Variants in GMDS observed in about 807,000 individuals in gnomAD.
GMDS encodes GDP-mannose 4,6 dehydratase.
Under a neutral mutation model 49.9 loss-of-function variants are expected in GMDS, and 20 were observed. The observed-to-expected ratio is 0.40, with a 90% CI of 0.28 to 0.58. The LOEUF is 0.58. GMDS is among the 20% of genes least tolerant of loss of function. GMDS has a pLI of 0.42. For missense variants in GMDS, 362 were observed against 481.4 expected (o/e 0.75, Z 2.32); for synonymous variants, 177 against 178.6 (o/e 0.99, Z 0.07).
chr6:2,099,693 T>C (rs924721604), intron 4 of GMDS, among the ~76,000 whole-genome samples: 6 of 152,030 alleles, frequency 3.9e-5, no homozygotes, highest in Non-Finnish European at 7.4e-5. Context: ...TCTGACAAAA[T>C]AGAATATAAT....
chr6:1,941,127 T>C (rs189855144), intron 6 of GMDS, among the ~76,000 whole-genome samples: 20 of 151,940 alleles, frequency 1.3e-4, no homozygotes, highest in Admixed American at 1.2e-3. Context: ...CTAACAAAAC[T>C]ATCGGGGAAC....
At chr6:1,799,081 A>G (rs914573419) in intron 7 of GMDS, among the ~76,000 whole-genome samples, 3 of 152,128 alleles carry the variant, frequency 2.0e-5, no homozygotes. Context: ...ACCGATCCCT[A>G]GGATATCGTG....
At chr6:1,969,242 A>G (rs528286705) in intron 4 of GMDS, among the ~76,000 whole-genome samples, 68 of 129,784 alleles carry the variant, frequency 5.2e-4, no homozygotes, top group Non-Finnish European at 4.8e-4. Context: ...AGCCTGGGTG[A>G]CAGAGTGAGG....
intron 4 of GMDS, among the ~76,000 whole-genome samples, chr6:2,081,905 C>T (rs1772723636): frequency 6.6e-6 from 1 of 152,048 alleles, no homozygotes; most frequent in African/African-American, 2.4e-5. Flanking sequence ...AATTACCACC[C>T]ACTTCAAAAC....
intron 4 of GMDS, among the ~76,000 whole-genome samples, chr6:1,983,383 T>A (rs1233587320): frequency 6.6e-6 from 1 of 152,072 alleles, no homozygotes; most frequent in Non-Finnish European, 1.5e-5. Flanking sequence ...AGAAATTGTA[T>A]CTAATTAAAC....
intron 4 of GMDS, among the ~76,000 whole-genome samples, chr6:2,114,564 C>T (rs1774736621): frequency 6.6e-6 from 1 of 152,186 alleles, no homozygotes; most frequent in Admixed American, 6.5e-5. Context: ...ATACCTTTCA[C>T]AGACTTTGGT....
chr6:2,174,492 G>C (rs527412679), intron 1 of GMDS, among the ~76,000 whole-genome samples: 1 of 152,064 alleles, frequency 6.6e-6, no homozygotes, highest in Non-Finnish European at 1.5e-5. Context: ...CTTAAGTATT[G>C]TTGAGACAAT....
intron 1 of GMDS, among the ~76,000 whole-genome samples, chr6:2,240,601 C>CAAAAAAAAAAAA (rs57052982): frequency 4.8e-5 from 4 of 84,022 alleles, no homozygotes; most frequent in African/African-American, 1.1e-4. Flanking sequence ...AAGACTGTCT[C>CAAAAAAAAAAAA]AAAAAAAAAA....
intron 1 of GMDS, among the ~76,000 whole-genome samples, chr6:2,198,203 AG>A (rs1375060649): frequency 3.9e-5 from 6 of 152,214 alleles, no homozygotes; most frequent in African/African-American, 1.2e-4. Context: ...CAGGAGCTAA[AG>A]GGTAATTTCC....
intron 7 of GMDS, among the ~76,000 whole-genome samples, chr6:1,764,167 T>C (rs975924022): frequency 1.3e-5 from 2 of 152,152 alleles, no homozygotes; most frequent in Admixed American, 6.5e-5. Flanking sequence ...TGAGAAGGCC[T>C]TTCTGTGATC....
At chr6:1,792,829 ATCT>A (rs1246869552) in intron 7 of GMDS, among the ~76,000 whole-genome samples, 2 of 152,002 alleles carry the variant, frequency 1.3e-5, no homozygotes, top group African/African-American at 2.4e-5. Flanking sequence ...AAGTTTTATG[ATCT>A]TCTTTTTAAC....
intron 1 of GMDS, among the ~76,000 whole-genome samples, chr6:2,245,103 C>A (rs998526668): frequency 6.6e-6 from 1 of 152,222 alleles, no homozygotes; most frequent in Non-Finnish European, 1.5e-5. Flanking sequence ...CGCTCACAGC[C>A]CCCAGAGAAA....
chr6:1,989,817 T>C (rs1765814307), intron 4 of GMDS, among the ~76,000 whole-genome samples: 1 of 152,220 alleles, frequency 6.6e-6, no homozygotes, highest in South Asian at 2.1e-4. Context: ...CTGGAGCACA[T>C]CCAATGTGAG....
intron 7 of GMDS, among the ~76,000 whole-genome samples, chr6:1,894,996 G>A (rs958152859): frequency 3.9e-5 from 6 of 152,080 alleles, no homozygotes; most frequent in African/African-American, 7.2e-5. Flanking sequence ...TTTATCAACC[G>A]GTTGGATATC....
intron 1 of GMDS, among the ~76,000 whole-genome samples, chr6:2,245,018 C>T (rs1431343199): frequency 6.6e-6 from 1 of 152,218 alleles, no homozygotes; most frequent in East Asian, 1.9e-4. Flanking sequence ...GGAAGAGACG[C>T]TGCGGTCACC....
At chr6:1,982,265 A>C (rs1162997973) in intron 4 of GMDS, among the ~76,000 whole-genome samples, 1 of 152,196 alleles carries the variant, frequency 6.6e-6, no homozygotes, top group Non-Finnish European at 1.5e-5. Flanking sequence ...TGATAAACTC[A>C]CAGCCATTAT....
chr6:1,740,616 T>C (rs572891175), intron 8 of GMDS, among the ~76,000 whole-genome samples: 1 of 148,982 alleles, frequency 6.7e-6, no homozygotes, highest in Non-Finnish European at 1.5e-5. Context: ...TTGAAAAGTA[T>C]AAAAAAACCC....
intron 7 of GMDS, among the ~76,000 whole-genome samples, chr6:1,844,159 T>G (rs1352493887): frequency 6.6e-6 from 1 of 152,220 alleles, no homozygotes. Flanking sequence ...TAGGGCTTAT[T>G]ATCCCCAAAG....
At chr6:1,980,191 C>T (rs1765139462) in intron 4 of GMDS, among the ~76,000 whole-genome samples, 1 of 152,090 alleles carries the variant, frequency 6.6e-6, no homozygotes, top group Non-Finnish European at 1.5e-5. Context: ...CCACACATAA[C>T]AATACTAACC....
Sources: allele counts gnomAD v4.1 joint callset (sites outside exome capture counted in the v4.1 genomes callset), GRCh38; gene constraint gnomAD v4.1.1; transcripts MANE v1.5; gene names NCBI Gene and HGNC (gene_info 2026-07-23, HGNC 2026-07-21).